The following AK8 variants were observed in gnomAD, a reference collection of about 807,000 sequenced individuals.
The protein encoded by AK8 is ATP-AMP transphosphorylase 8.
AK8 carries 44 observed loss-of-function variants against 54.6 expected under a neutral mutation model. That is an observed-to-expected ratio of 0.81 (90% confidence interval 0.63 to 1.04). AK8 has a LOEUF of 1.04. Among genes scored for constraint, AK8 ranks in the 50% least tolerant of loss-of-function variants. AK8 has a pLI of 0.00. For missense variants in AK8, 555 were observed against 613.6 expected (o/e 0.90, Z 1.01); for synonymous variants, 239 against 245.6 (o/e 0.97, Z 0.25).
At chr9:132,853,790 A>AAAAAAAAAAAAAAAAAAAG (rs1843063690) in intron 5 of AK8, among the ~76,000 whole-genome samples, 1 of 150,644 alleles carries the variant, frequency 6.6e-6, no homozygotes, top group Non-Finnish European at 1.5e-5. Context: ...CCTCAAAAAA[A>AAAAAAAAAAAAAAAAAAAG]AAAAAAAAAA....
At chr9:132,731,653 C>T (rs921646157) in intron 11 of AK8, among the ~76,000 whole-genome samples, 1 of 152,214 alleles carries the variant, frequency 6.6e-6, no homozygotes, top group African/African-American at 2.4e-5. Context: ...TTTAAAACTT[C>T]CTCAGTAAAT....
intron 10 of AK8, 95 bp downstream of exon 10, chr9:132,814,543 C>T: frequency 1.6e-6 from 2 of 1,255,530 alleles, no homozygotes; most frequent in Non-Finnish European, 2.2e-6. Flanking sequence ...CTGTTCTCCC[C>T]AATTTTGAGC....
intron 10 of AK8, among the ~76,000 whole-genome samples, chr9:132,801,020 G>A (rs1840430384): frequency 6.6e-6 from 1 of 150,706 alleles, no homozygotes; most frequent in Admixed American, 6.7e-5. Flanking sequence ...TACCTCCTGA[G>A]TTCAAGAGAT....
intron 11 of AK8, among the ~76,000 whole-genome samples, chr9:132,760,985 C>G (rs995294769): frequency 3.3e-5 from 5 of 151,984 alleles, no homozygotes; most frequent in African/African-American, 1.2e-4. Context: ...TAACATTGGC[C>G]TGTAATTTTT....
chr9:132,742,151 C>T (rs996105610), intron 11 of AK8, among the ~76,000 whole-genome samples: 2 of 150,200 alleles, frequency 1.3e-5, no homozygotes, highest in Non-Finnish European at 2.9e-5. Context: ...TATGCATCCA[C>T]GAGTTGATGG....
intron 11 of AK8, among the ~76,000 whole-genome samples, chr9:132,777,681 G>T (rs1158525078): frequency 6.6e-6 from 1 of 152,202 alleles, no homozygotes; most frequent in Non-Finnish European, 1.5e-5. Flanking sequence ...CTTAGAAAGG[G>T]TAAGTAGCCG....
chr9:132,727,596 C>T, intron 11 of AK8, 62 bp from the exon 12 acceptor site: 1 of 1,493,414 alleles, frequency 6.7e-7, no homozygotes, highest in Non-Finnish European at 9.3e-7. Flanking sequence ...GATGCTGTGA[C>T]ATCCTGGGGT....
At chr9:132,870,312 G>C (rs923146881) in intron 2 of AK8, among the ~76,000 whole-genome samples, 2 of 152,210 alleles carry the variant, frequency 1.3e-5, no homozygotes, top group African/African-American at 4.8e-5. Context: ...CTGCTCATGA[G>C]TAATTATTTA....
At chr9:132,755,271 C>T (rs756753766) in intron 11 of AK8, among the ~76,000 whole-genome samples, 2 of 152,168 alleles carry the variant, frequency 1.3e-5, no homozygotes, top group African/African-American at 2.4e-5. Context: ...CCCCCTCAGC[C>T]GCTTTCTTGC....
intron 5 of AK8, among the ~76,000 whole-genome samples, chr9:132,830,573 T>A (rs148932400): frequency 1.3e-5 from 2 of 152,332 alleles, no homozygotes; most frequent in East Asian, 3.9e-4. Context: ...TTTTCCAAAA[T>A]GTCCATTTGT....
intron 5 of AK8, among the ~76,000 whole-genome samples, chr9:132,844,297 C>CAAAAAAAAAAAAAAAAAAAA (rs35309762): frequency 3.2e-5 from 3 of 92,640 alleles, no homozygotes; most frequent in East Asian, 3.3e-4. Context: ...TGCATTAGAC[C>CAAAAAAAAAAAAAAAAAAAA]AAAAAAAAAA....
At chr9:132,740,301 A>G (rs150439423) in intron 11 of AK8, among the ~76,000 whole-genome samples, 2 of 152,288 alleles carry the variant, frequency 1.3e-5, no homozygotes, top group East Asian at 1.9e-4. Flanking sequence ...TGGGTACTGG[A>G]TTATGCTTAC....
chr9:132,874,976 ATGG>A, intron 2 of AK8, 136 bp downstream of exon 2: 1 of 1,100,308 alleles, frequency 9.1e-7, no homozygotes, highest in South Asian at 1.5e-5. Flanking sequence ...GTAGGACAGA[ATGG>A]TGCTCAGCTA....
intron 11 of AK8, among the ~76,000 whole-genome samples, chr9:132,792,150 T>C (rs1322146782): frequency 1.3e-5 from 2 of 152,152 alleles, no homozygotes; most frequent in African/African-American, 4.8e-5. Flanking sequence ...CCACAATATA[T>C]ACAATTGTGA....
chr9:132,757,886 G>A lies in AK8; in HGVS notation c.1122-30352C>T, dbSNP rs569452558. On this transcript the variant is annotated intron_variant, in intron 11 of 12. Transcript: ENST00000298545. ...GAAAAAAAAGGTCCCTAAACCTTAAGTTTCATGATGATAAACACTTCCACA... is the reference window on the plus strand; with the variant it reads ...GAAAAAAAAGGTCCCTAAACCTTAAATTTCATGATGATAAACACTTCCACA... 2.0e-5 allele frequency among the ~76,000 whole-genome samples: 3 copies of A among 152,282 alleles called. No homozygotes were observed. In the South Asian group the frequency reaches 6.2e-4, roughly 32 times the overall value.
rs548787083 is a variant in AK8, at chr9:132,799,015, T to C, written c.980-6240A>G. Among the ~76,000 whole-genome samples, 208 of 152,320 alleles carry C rather than the reference T, an allele frequency of 1.4e-3. 1 individual carries two copies. The highest frequency in any genetic ancestry group is 2.4e-3 in the Non-Finnish European group (163 of 68,014). On this transcript the variant is annotated intron_variant, in intron 10 of 12. Transcript: ENST00000298545. This position sits in a 1 kb window ranked among gnomAD's most constrained non-coding sequence, Gnocchi z 5.0. ...CCCATGAGATGCAACTGGGCAGCACTGACTCCTCCCGGGCTGCAGGTCTGG... is the reference window on the plus strand; with the variant it reads ...CCCATGAGATGCAACTGGGCAGCACCGACTCCTCCCGGGCTGCAGGTCTGG...
intron 11 of AK8, among the ~76,000 whole-genome samples, chr9:132,745,156 A>C (rs547513536): frequency 5.9e-5 from 9 of 152,340 alleles, no homozygotes; most frequent in African/African-American, 1.9e-4. Flanking sequence ...TTAATGAGCG[A>C]GATACGCTTT....
intron 5 of AK8, among the ~76,000 whole-genome samples, chr9:132,841,328 CG>C (rs1588199442): frequency 6.6e-6 from 1 of 152,210 alleles, no homozygotes; most frequent in Admixed American, 6.5e-5. Flanking sequence ...ATTCCCGGTG[CG>C]TGAAGGCCTC....
At chr9:132,734,539 C>T (rs1305594773) in intron 11 of AK8, among the ~76,000 whole-genome samples, 2 of 152,062 alleles carry the variant, frequency 1.3e-5, no homozygotes, top group Non-Finnish European at 2.9e-5. Context: ...AGTTCAAGAC[C>T]AACCTGGGCA....
Sources: allele counts gnomAD v4.1 joint callset (sites outside exome capture counted in the v4.1 genomes callset), GRCh38; gene constraint gnomAD v4.1.1; non-coding constraint Gnocchi (gnomAD v3.1); transcripts MANE v1.5; gene names NCBI Gene and HGNC (gene_info 2026-07-23, HGNC 2026-07-21).